The following NBPF8 variants were observed in gnomAD, a reference collection of about 807,000 sequenced individuals.
NBPF8 encodes the protein NBPF family member NBPF8.
At chr1:120,427,089 C>A (rs1293699897) in intron 2 of NBPF8, among the ~76,000 whole-genome samples, 32 of 124,556 alleles carry the variant, frequency 2.6e-4, no homozygotes, top group African/African-American at 1.1e-3. Context: ...GAGATTCATC[C>A]ATGTTGTTTT....
intron 20 of NBPF8, among the ~76,000 whole-genome samples, chr1:120,462,418 G>C (rs1370054584): frequency 6.8e-6 from 1 of 147,642 alleles, no homozygotes; most frequent in African/African-American, 2.5e-5. Context: ...CTCAAAGGCT[G>C]TATGGCAACT....
chr1:120,431,021 G>A (rs1236157805), intron 3 of NBPF8, among the ~76,000 whole-genome samples: 2 of 150,020 alleles, frequency 1.3e-5, no homozygotes, highest in African/African-American at 2.4e-5. Flanking sequence ...TAATGTCAAT[G>A]ATCAAGAATA....
At chr1:120,434,557 C>T (rs1661019198), upstream of NBPF8, among the ~76,000 whole-genome samples, 1 of 150,776 alleles carries the variant, frequency 6.6e-6, no homozygotes, top group Non-Finnish European at 1.5e-5. Context: ...CGTCCTGTGT[C>T]CAAGTGTTCT....
chr1:120,453,624 G>A (rs1312351219), intron 14 of NBPF8, among the ~76,000 whole-genome samples, 180 bp downstream of exon 12: 4 of 151,604 alleles, frequency 2.6e-5, no homozygotes, highest in East Asian at 1.9e-4. Flanking sequence ...TATGTGTGCC[G>A]AGTGTCATGT....
exon 25 of NBPF8, chr1:120,465,980 T>G (rs1454628730): frequency 9.3e-6 from 15 of 1,611,778 alleles, no homozygotes; most frequent in Non-Finnish European, 1.1e-5. Flanking sequence ...TTTTCCAGGC[T>G]CAACAGCGTG....
At chr1:120,420,925 C>T (rs1376568332) in intron 1 of NBPF8, among the ~76,000 whole-genome samples, 11 of 145,224 alleles carry the variant, frequency 7.6e-5, no homozygotes, top group South Asian at 6.6e-4. Flanking sequence ...ATCCTTCTCA[C>T]GTGGCCGTCC....
downstream of NBPF8, among the ~76,000 whole-genome samples, chr1:120,468,738 C>A (rs1344620056): frequency 1.3e-5 from 2 of 150,260 alleles, no homozygotes; most frequent in Admixed American, 1.3e-4. Context: ...GTGCTCTAAT[C>A]CACCAGGTCT....
chr1:120,462,849 G>C, exon 21 of NBPF8: 1 of 373,482 alleles, frequency 2.7e-6, no homozygotes, highest in Non-Finnish European at 4.6e-6. Context: ...GGACTCACTG[G>C]ATAGATGTTA....
Position 120,465,964 on chromosome 1 carries a change from G to A in NBPF8, n.3569-14G>A, listed in dbSNP as rs1337420815. 8 of 1,611,638 alleles carry A rather than the reference G, an allele frequency of 5.0e-6. No individual in the cohort carries two copies. The highest frequency in any genetic ancestry group is 4.5e-4 in the Middle Eastern group (2 of 4,432). ...TTTCCCTGGCTGCTTCTTTAGTTTT[G>A]TCTCCTTTTCCAGGCTCAACAGCGT... On this transcript the variant is annotated splice_polypyrimidine_tract_variant and intron_variant and non_coding_transcript_variant, in intron 24 of 24. Transcript: ENST00000583271.
chr1:120,422,226 C>T (rs1660597156), intron 1 of NBPF8, among the ~76,000 whole-genome samples: 1 of 152,010 alleles, frequency 6.6e-6, no homozygotes, highest in South Asian at 2.1e-4. Flanking sequence ...TGATGAACCA[C>T]TATTGATACA....
At chr1:120,420,780 T>C (rs1269776103) in intron 1 of NBPF8, among the ~76,000 whole-genome samples, 2 of 148,284 alleles carry the variant, frequency 1.3e-5, no homozygotes, top group African/African-American at 5.1e-5. Flanking sequence ...TGAGCATTCA[T>C]GGGGTGACTA....
chr1:120,428,173 A>ATTGTCTGTCCCCTCCCTTTAT (rs1660773791), intron 3 of NBPF8, among the ~76,000 whole-genome samples: 1 of 152,156 alleles, frequency 6.6e-6, no homozygotes, highest in South Asian at 2.1e-4. Context: ...TTATGTACAT[A>ATTGTCTGTCCCCTCCCTTTAT]GAAAATGAGC....
chr1:120,422,609 C>G (rs1239819548), intron 1 of NBPF8, among the ~76,000 whole-genome samples: 2 of 143,530 alleles, frequency 1.4e-5, no homozygotes, highest in Non-Finnish European at 3.0e-5. Context: ...ATGGCTACAA[C>G]ACAGTTTGTT....
chr1:120,434,343 T>A (rs1294740471), upstream of NBPF8, among the ~76,000 whole-genome samples: 1 of 147,970 alleles, frequency 6.8e-6, no homozygotes, highest in African/African-American at 2.5e-5. Context: ...TATATTCATG[T>A]GTGTGTATAT....
chr1:120,419,577 A>C (rs1239399543), upstream of NBPF8, among the ~76,000 whole-genome samples: 1 of 152,210 alleles, frequency 6.6e-6, no homozygotes, highest in East Asian at 1.9e-4. Flanking sequence ...TCCTGCCTCA[A>C]CCTTCAGAGT....
In NBPF8 at chr1:120,456,405, CT is replaced by C. The variant is rs1425138270; in HGVS notation, n.2620+948del. On this transcript the variant is annotated intron_variant and non_coding_transcript_variant, in intron 16 of 24. Transcript: ENST00000583271. ...TTATGATTGTGTGGAGTCTAAATCT[CT>C]TTGTAGGTCTCTCAGGACTTGCTTT... Among the ~76,000 whole-genome samples the C allele has an allele frequency of 1.4e-5, 2 of 145,858 alleles. 1 individual carries two copies. The highest frequency in any genetic ancestry group is 5.4e-5 in the African/African-American group (2 of 36,996).
At chr1:120,462,494 T>C (rs1661620194) in intron 20 of NBPF8, among the ~76,000 whole-genome samples, 1 of 125,174 alleles carries the variant, frequency 8.0e-6, no homozygotes, top group African/African-American at 3.0e-5. Flanking sequence ...CACTGTTCGC[T>C]GTGTGTCCCG....
intron 15 of NBPF8, among the ~76,000 whole-genome samples, chr1:120,455,158 T>C (rs1489037054): frequency 3.3e-5 from 5 of 151,700 alleles, no homozygotes; most frequent in Admixed American, 6.6e-5. Context: ...AAATTTTGTT[T>C]AACTTTGACT....
intron 11 of NBPF8, among the ~76,000 whole-genome samples, 154 bp downstream of exon 9, chr1:120,449,556 A>G (rs1342126814): frequency 6.6e-6 from 1 of 152,124 alleles, no homozygotes; most frequent in Non-Finnish European, 1.5e-5. Context: ...CAAAGTTGGA[A>G]GACAGAGGTA....
Sources: allele counts gnomAD v4.1 joint callset (sites outside exome capture counted in the v4.1 genomes callset), GRCh38; gene constraint gnomAD v4.1.1; transcripts MANE v1.5; gene names NCBI Gene and HGNC (gene_info 2026-07-23, HGNC 2026-07-21).